The following SCAI variants were observed in gnomAD, a reference collection of about 807,000 sequenced individuals.
The protein encoded by SCAI is suppressor of cancer cell invasion, also known as protein SCAI.
SCAI carries 24 observed loss-of-function variants against 92.2 expected under a neutral mutation model. The ratio of observed to expected loss-of-function variants is 0.26; its 90% CI spans 0.19 to 0.37. SCAI has a LOEUF of 0.37. Among genes scored for constraint, SCAI ranks in the 10% least tolerant of loss-of-function variants. The probability of loss-of-function intolerance (pLI) is 1.00; values close to 1 mark genes in which losing one functional copy is unlikely to be tolerated. For missense variants in SCAI, 450 were observed against 736.2 expected (o/e 0.61, Z 4.50); for synonymous variants, 261 against 258.6 (o/e 1.01, Z -0.09).
chr9:124,988,419 G>C (rs1342640700), intron 14 of SCAI, among the ~76,000 whole-genome samples: 1 of 152,036 alleles, frequency 6.6e-6, no homozygotes, highest in Non-Finnish European at 1.5e-5. Context: ...AAGCAGATAC[G>C]AGGCAGGGAG....
intron 2 of SCAI, among the ~76,000 whole-genome samples, chr9:125,113,426 G>A (rs973817190): frequency 1.3e-5 from 2 of 152,118 alleles, no homozygotes; most frequent in Non-Finnish European, 2.9e-5. Flanking sequence ...CTGAGAAACT[G>A]TAACTGGCAA....
intron 3 of SCAI, among the ~76,000 whole-genome samples, chr9:125,055,294 G>T (rs1237314183): frequency 6.6e-6 from 1 of 151,970 alleles, no homozygotes; most frequent in South Asian, 2.1e-4. Flanking sequence ...GAAGCTTTAG[G>T]TCTGAAGTCA....
chr9:125,001,872 G>T, intron 12 of SCAI, 93 bp downstream of exon 12: 2 of 837,740 alleles, frequency 2.4e-6, no homozygotes, highest in South Asian at 1.6e-5. Flanking sequence ...GTCTAGAAAG[G>T]CTGAGATGGT....
chr9:125,100,135 C>G (rs1834648829), intron 2 of SCAI, among the ~76,000 whole-genome samples: 1 of 152,226 alleles, frequency 6.6e-6, no homozygotes, highest in African/African-American at 2.4e-5. Context: ...GATTTTAAAG[C>G]ACAAATATCA....
At chr9:124,994,126 C>T (rs1386409139) in intron 14 of SCAI, among the ~76,000 whole-genome samples, 1 of 151,758 alleles carries the variant, frequency 6.6e-6, no homozygotes, top group Non-Finnish European at 1.5e-5. Context: ...CCTCTACCTC[C>T]CAGGTTCAAG....
intron 14 of SCAI, among the ~76,000 whole-genome samples, chr9:124,994,380 T>C (rs1426903785): frequency 6.6e-6 from 1 of 152,194 alleles, no homozygotes; most frequent in Non-Finnish European, 1.5e-5. Context: ...ATCACTTCAA[T>C]AGTGAAATAT....
rs982575415 is a variant in SCAI at position 125,143,496 on chromosome 9, T to C, written c.-59A>G. 8.2e-5 allele frequency: 107 copies of C among 1,299,250 alleles called. No individual in the cohort carries two copies. Among genetic ancestry groups the C allele is most frequent in the Non-Finnish European group, 9.3e-5 (95 of 1,020,530 alleles). The allele number at this position is 1,299,250 out of a possible 1,614,324, so 80.5% of individuals were successfully genotyped here. ...CGGCCGCAGGGCTCGCTCGGGAAGC[T>C]GAGGCGGCGGAGGCTGGAGTAGGCG... is the stretch of plus-strand genomic sequence containing the variant. On this transcript the variant is annotated 5_prime_UTR_variant, in exon 1 of 18. Transcript: ENST00000336505.
intron 2 of SCAI, among the ~76,000 whole-genome samples, chr9:125,079,979 C>T (rs929345353): frequency 2.6e-5 from 4 of 152,064 alleles, no homozygotes; most frequent in Admixed American, 6.6e-5. Flanking sequence ...CTAAAAGGTA[C>T]CTTGATTGTC....
chr9:125,092,783 C>G (rs757088778), intron 2 of SCAI, among the ~76,000 whole-genome samples: 20 of 152,326 alleles, frequency 1.3e-4, no homozygotes, highest in South Asian at 4.1e-4. Flanking sequence ...AGCTCACATG[C>G]TCCTCTAGCC....
intron 2 of SCAI, among the ~76,000 whole-genome samples, chr9:125,079,275 T>C: frequency 6.6e-6 from 1 of 152,236 alleles, no homozygotes; most frequent in East Asian, 1.9e-4. Context: ...TATGTTATTG[T>C]TAATTATATC....
chr9:124,989,888 A>G (rs541862586), intron 14 of SCAI, among the ~76,000 whole-genome samples: 2 of 147,522 alleles, frequency 1.4e-5, no homozygotes, highest in African/African-American at 2.5e-5. Context: ...CACACACACA[A>G]AAAAGGCCAG....
rs553124034 is a variant in SCAI at position 124,948,266 on chromosome 9, T to C, written c.*4541A>G. 2 of 152,294 alleles carry C rather than the reference T, an allele frequency of 1.3e-5. No individual in the cohort carries two copies. Among genetic ancestry groups the C allele is most frequent in the Admixed American group, 1.3e-4 (2 of 15,286 alleles). The allele number at this position is 152,294 out of a possible 1,614,324, so 9.4% of individuals were successfully genotyped here. On this transcript the variant is annotated 3_prime_UTR_variant, in exon 18 of 18. Transcript: ENST00000336505. The stretch of plus-strand genomic sequence containing the variant: ...CAGGAAAACTCCAGCCACAATTGGA[T>C]TGCACTTTGCTTCTGAAATCCTGAA...
intron 2 of SCAI, among the ~76,000 whole-genome samples, chr9:125,116,532 T>C (rs1490573695): frequency 6.6e-6 from 1 of 152,164 alleles, no homozygotes; most frequent in Non-Finnish European, 1.5e-5. Flanking sequence ...ACTGAATTTA[T>C]TTTAAGATGT....
At chr9:124,994,701 G>A (rs950758949) in intron 14 of SCAI, among the ~76,000 whole-genome samples, 17 of 151,654 alleles carry the variant, frequency 1.1e-4, no homozygotes, top group Non-Finnish European at 2.9e-5. Context: ...TTTTTTTCCT[G>A]CAGGAGGATT....
intron 6 of SCAI, among the ~76,000 whole-genome samples, chr9:125,025,144 TAAGA>T (rs1309491129): frequency 1.3e-5 from 2 of 152,206 alleles, no homozygotes; most frequent in Non-Finnish European, 2.9e-5. Flanking sequence ...CTGTGTAAAC[TAAGA>T]AACAACCTAC....
intron 2 of SCAI, among the ~76,000 whole-genome samples, chr9:125,083,935 G>A (rs971831168): frequency 3.9e-5 from 6 of 152,098 alleles, no homozygotes; most frequent in African/African-American, 9.7e-5. Context: ...TGGAGTAGGC[G>A]AGGTGAAGCT....
intron 2 of SCAI, among the ~76,000 whole-genome samples, chr9:125,135,709 C>T (rs1425053073): frequency 6.6e-6 from 1 of 151,980 alleles, no homozygotes; most frequent in Non-Finnish European, 1.5e-5. Context: ...GTGGCTCATG[C>T]CTGTAATCCC....
chr9:124,994,028 T>TG (rs1832187006), intron 14 of SCAI, among the ~76,000 whole-genome samples: 1 of 149,910 alleles, frequency 6.7e-6, no homozygotes, highest in Non-Finnish European at 1.5e-5. Context: ...AGTGTTTCAC[T>TG]GCTGGCATTT....
Position 125,114,520 on chromosome 9 carries a change from T to C in SCAI, c.98+28113A>G, listed in dbSNP as rs140940668. ...ATGGGAGCATAAACTGGTACAACCA[T>C]TTCAGAAAACAACTGTCCATATTTA... On this transcript the variant is annotated intron_variant, in intron 2 of 17. Coordinates refer to ENST00000336505, the MANE Select transcript of SCAI (RefSeq NM_001144877.3). Among the ~76,000 whole-genome samples the C allele has an allele frequency of 2.5e-3, 385 of 152,320 alleles. 1 individual carries two copies. Among genetic ancestry groups the C allele is most frequent in the Non-Finnish European group, 4.4e-3 (297 of 68,040 alleles).
Sources: allele counts gnomAD v4.1 joint callset (sites outside exome capture counted in the v4.1 genomes callset), GRCh38; gene constraint gnomAD v4.1.1; transcripts MANE v1.5; gene names NCBI Gene and HGNC (gene_info 2026-07-23, HGNC 2026-07-21).